The following NOS1AP variants were observed in gnomAD, a reference collection of about 807,000 sequenced individuals.
The protein encoded by NOS1AP is nitric oxide synthase 1 adaptor protein, also known as carboxyl-terminal PDZ ligand of neuronal nitric oxide synthase protein.
NOS1AP carries 21 observed loss-of-function variants against 56.2 expected under a neutral mutation model. The observed-to-expected ratio is 0.37, with a 90% CI of 0.26 to 0.54. The LOEUF (loss-of-function observed/expected upper bound fraction) is 0.54. Among genes scored for constraint, NOS1AP ranks in the 20% least tolerant of loss-of-function variants. The pLI is 0.84. For missense variants in NOS1AP, 522 were observed against 657.8 expected (o/e 0.79, Z 2.26); for synonymous variants, 270 against 274.6 (o/e 0.98, Z 0.17).
intron 2 of NOS1AP, among the ~76,000 whole-genome samples, chr1:162,221,567 C>G (rs1179736914): frequency 2.0e-5 from 3 of 151,280 alleles, no homozygotes; most frequent in Non-Finnish European, 4.4e-5. Context: ...CACACACACA[C>G]ACACACGGGT....
intron 1 of NOS1AP, among the ~76,000 whole-genome samples, chr1:162,081,705 G>A (rs1011392848): frequency 7.0e-6 from 1 of 143,334 alleles, no homozygotes; most frequent in Admixed American, 7.1e-5. Flanking sequence ...GTGCCACCAT[G>A]CCTGGCTAAG....
intron 1 of NOS1AP, among the ~76,000 whole-genome samples, chr1:162,153,265 A>T (rs990601524): frequency 5.9e-5 from 9 of 152,194 alleles, no homozygotes; most frequent in African/African-American, 1.9e-4. Flanking sequence ...AGTAGCTGGA[A>T]TTACAGGCAT....
chr1:162,321,432 A>G (rs928202300), intron 4 of NOS1AP, among the ~76,000 whole-genome samples: 12 of 152,252 alleles, frequency 7.9e-5, no homozygotes, highest in Non-Finnish European at 1.6e-4. Flanking sequence ...ACATGGATGG[A>G]GCTGGAAACC....
chr1:162,242,981 A>G (rs1183421032), intron 2 of NOS1AP, among the ~76,000 whole-genome samples: 5 of 142,782 alleles, frequency 3.5e-5, no homozygotes, highest in African/African-American at 7.4e-5. Flanking sequence ...CCTCCCCTAT[A>G]TACGCATACC....
At chr1:162,297,542 G>C (rs1413749761) in intron 3 of NOS1AP, among the ~76,000 whole-genome samples, 1 of 152,148 alleles carries the variant, frequency 6.6e-6, no homozygotes. Flanking sequence ...TCCGGTTGAG[G>C]ATTTCAGTCC....
intron 8 of NOS1AP, among the ~76,000 whole-genome samples, chr1:162,359,545 A>T (rs1557892639): frequency 1.3e-5 from 2 of 152,152 alleles, no homozygotes; most frequent in African/African-American, 2.4e-5. Flanking sequence ...TTCTCCGCAC[A>T]CTGTTCATTC....
chr1:162,114,247 G>A (rs1647837281), intron 1 of NOS1AP, among the ~76,000 whole-genome samples: 1 of 151,746 alleles, frequency 6.6e-6, no homozygotes. Context: ...ACGAATAGGG[G>A]ATATATATAT....
intron 6 of NOS1AP, among the ~76,000 whole-genome samples, chr1:162,344,506 G>A (rs771152698): frequency 6.6e-6 from 1 of 151,796 alleles, no homozygotes; most frequent in Non-Finnish European, 1.5e-5. Flanking sequence ...GACTAGCCTG[G>A]CCAACATGGC....
chr1:162,136,246 G>C (rs1448749266), intron 1 of NOS1AP, among the ~76,000 whole-genome samples: 1 of 152,130 alleles, frequency 6.6e-6, no homozygotes, highest in African/African-American at 2.4e-5. Context: ...TCTGGGGCAG[G>C]AAAACAGCTA....
At chr1:162,190,635 G>C (rs1226533663) in intron 2 of NOS1AP, among the ~76,000 whole-genome samples, 1 of 152,020 alleles carries the variant, frequency 6.6e-6, no homozygotes, top group African/African-American at 2.4e-5. Flanking sequence ...CTTCCTTCTA[G>C]CTATCTGAAA....
chr1:162,146,676 CTT>C (rs1250871203), intron 1 of NOS1AP, among the ~76,000 whole-genome samples: 1 of 152,178 alleles, frequency 6.6e-6, no homozygotes, highest in African/African-American at 2.4e-5. Context: ...TTTTTTGTCT[CTT>C]TCCAGGGCTT....
At chr1:162,086,437 C>T (rs1692004524) in intron 1 of NOS1AP, among the ~76,000 whole-genome samples, 1 of 152,070 alleles carries the variant, frequency 6.6e-6, no homozygotes, top group Non-Finnish European at 1.5e-5. Context: ...CCTTCCTTGC[C>T]CACCCTGAGT....
chr1:162,332,640 G>A (rs1307591795), intron 4 of NOS1AP, among the ~76,000 whole-genome samples: 1 of 152,166 alleles, frequency 6.6e-6, no homozygotes, highest in Non-Finnish European at 1.5e-5. Context: ...TTGTAAACAG[G>A]CATCAGAAAA....
intron 4 of NOS1AP, among the ~76,000 whole-genome samples, chr1:162,327,632 C>T (rs181978896): frequency 5.1e-4 from 78 of 152,214 alleles, no homozygotes; most frequent in East Asian, 2.7e-3. Flanking sequence ...ACAGCTGTTG[C>T]GCAAATTAGC....
At chr1:162,342,732 C>T in intron 5 of NOS1AP, 1 of 380,972 alleles carries the variant, frequency 2.6e-6, no homozygotes, top group East Asian at 7.4e-5. Flanking sequence ...TTGATTGCTG[C>T]CATTACCTGG....
At chr1:162,319,789 T>G (rs1656353953) in intron 4 of NOS1AP, among the ~76,000 whole-genome samples, 1 of 152,170 alleles carries the variant, frequency 6.6e-6, no homozygotes, top group African/African-American at 2.4e-5. Context: ...CTCTCTGGAC[T>G]TGGGGTGCTG....
At chr1:162,104,443 A>G (rs1278531940) in intron 1 of NOS1AP, among the ~76,000 whole-genome samples, 2 of 152,070 alleles carry the variant, frequency 1.3e-5, no homozygotes, top group Non-Finnish European at 2.9e-5. Context: ...TCTGAATTTG[A>G]ATGTTGGCAT....
chr1:162,242,578 C>T (rs1428695088), intron 2 of NOS1AP, among the ~76,000 whole-genome samples: 1 of 152,188 alleles, frequency 6.6e-6, no homozygotes, highest in African/African-American at 2.4e-5. Flanking sequence ...GCAGCCCTAG[C>T]CAACATCTTA....
intron 2 of NOS1AP, among the ~76,000 whole-genome samples, chr1:162,237,105 C>A (rs1030806173): frequency 2.0e-5 from 3 of 152,206 alleles, no homozygotes; most frequent in Non-Finnish European, 4.4e-5. Flanking sequence ...GGAGAGGGTT[C>A]TTGACTCTTT....
Sources: gnomAD v4.1 joint callset for allele counts (sites outside exome capture counted in the v4.1 genomes callset) on GRCh38, gnomAD v4.1.1 for gene constraint, MANE v1.5 for transcripts, NCBI Gene and HGNC (gene_info 2026-07-23, HGNC 2026-07-21) for gene names.